The following ANO1 variants were observed in gnomAD, a reference collection of about 807,000 sequenced individuals.
The protein encoded by ANO1 is anoctamin 1.
ANO1 carries 59 observed loss-of-function variants against 124.0 expected under a neutral mutation model. The ratio of observed to expected loss-of-function variants is 0.48; its 90% CI spans 0.39 to 0.59. The LOEUF (loss-of-function observed/expected upper bound fraction) is 0.59. ANO1 is among the 20% of genes least tolerant of loss of function. The pLI, the probability that ANO1 is intolerant of heterozygous loss-of-function variation, is 0.00. For synonymous variants in ANO1, 529 were observed against 532.0 expected (o/e 0.99, Z 0.08); for missense variants, 1,059 against 1,328.0 (o/e 0.80, Z 3.15).
At chr11:69,976,668 C>A in the ANO1 span, among the ~76,000 whole-genome samples, 2 of 150,654 alleles carry the variant, frequency 1.3e-5, no homozygotes, top group East Asian at 1.9e-4. Flanking sequence ...CAGGAGGAAC[C>A]AGCCCTGCGA....
chr11:70,059,950 CTTTTTTTTT>C (rs36021561), intron 1 of ANO1, among the ~76,000 whole-genome samples: 6 of 75,542 alleles, frequency 7.9e-5, no homozygotes, highest in Non-Finnish European at 1.4e-4. Flanking sequence ...AGGCGTTGGC[CTTTTTTTTT>C]TTTTTTTTTT....
At chr11:69,975,015 C>G in the ANO1 span, among the ~76,000 whole-genome samples, 4 of 152,282 alleles carry the variant, frequency 2.6e-5, no homozygotes, top group Non-Finnish European at 5.9e-5. Flanking sequence ...ACGGAGGCAG[C>G]CTGGGAGGGG....
chr11:70,136,760 G>T (rs1187527242), intron 11 of ANO1, among the ~76,000 whole-genome samples: 1 of 147,970 alleles, frequency 6.8e-6, no homozygotes, highest in African/African-American at 2.4e-5. Context: ...TGCTTTCCCG[G>T]GATTCCAGTC....
At chr11:70,065,365 C>G (rs1482882532) in intron 1 of ANO1, 2 of 152,280 alleles carry the variant, frequency 1.3e-5, no homozygotes, top group Non-Finnish European at 2.9e-5. Context: ...ACCTGGGGGC[C>G]TTGACTAAAA....
intron 15 of ANO1, among the ~76,000 whole-genome samples, chr11:70,156,583 C>T (rs3781660): frequency 0.26 from 38,961 of 152,054 alleles, 5,068 homozygotes; most frequent in Middle Eastern, 0.38. Flanking sequence ...TCTTCTAGAC[C>T]TAGAAGTGAG....
At chr11:70,019,084 G>A (rs1251133452) in intron 1 of ANO1, among the ~76,000 whole-genome samples, 1 of 152,226 alleles carries the variant, frequency 6.6e-6, no homozygotes, top group Non-Finnish European at 1.5e-5. Context: ...TCTTGGAGGA[G>A]GTGCCCCATT....
At chr11:70,042,591 TAA>T (rs1857201695) in intron 1 of ANO1, among the ~76,000 whole-genome samples, 1 of 151,730 alleles carries the variant, frequency 6.6e-6, no homozygotes, top group Admixed American at 6.6e-5. Flanking sequence ...GAGGTGCCCT[TAA>T]GTCTTTGGCT....
At chr11:70,142,813 C>A (rs531613835) in intron 11 of ANO1, among the ~76,000 whole-genome samples, 63 of 152,286 alleles carry the variant, frequency 4.1e-4, no homozygotes, top group African/African-American at 1.5e-3. Flanking sequence ...CCACCTTCTC[C>A]CTGTGTCCTC....
Position 70,087,901 on chromosome 11 carries a change from C to G in ANO1, c.258C>G (p.Ser86Arg). 6.2e-7 allele frequency: 1 copy of G among 1,610,812 alleles called. No homozygotes were observed. Among genetic ancestry groups the G allele is most frequent in the African/African-American group, 1.3e-5 (1 of 74,962 alleles). Reference sequence around the variant, plus strand: ...CCCTGGTCAGGAGGGTGCAGCACAGCGACACCCCCTCTGGGGCTCGCAGCG... The same window carrying G: ...CCCTGGTCAGGAGGGTGCAGCACAGGGACACCCCCTCTGGGGCTCGCAGCG... Reference protein sequence around the residue: ...NRTLVRRVQHSDTPSGARSVK... With the variant: ...NRTLVRRVQHRDTPSGARSVK... Residue 86 changes from serine to arginine, a missense_variant, in exon 2 of 26, where the codon AGC (serine) becomes AGG (arginine). Transcript: ENST00000355303.
intron 1 of ANO1, among the ~76,000 whole-genome samples, chr11:70,043,411 T>C (rs772214638): frequency 6.6e-6 from 1 of 152,074 alleles, no homozygotes; most frequent in Non-Finnish European, 1.5e-5. Context: ...CAGAAAAAAG[T>C]ATTTGAAGAA....
chr11:70,098,548 T>C (rs1213960729), intron 2 of ANO1, among the ~76,000 whole-genome samples: 1 of 152,072 alleles, frequency 6.6e-6, no homozygotes, highest in East Asian at 1.9e-4. Context: ...CAGACATCCA[T>C]AGTGAACAAT....
intron 1 of ANO1, among the ~76,000 whole-genome samples, chr11:70,026,249 A>G (rs1856905086): frequency 7.4e-6 from 1 of 134,914 alleles, no homozygotes; most frequent in African/African-American, 2.7e-5. Context: ...GGTGGTGATG[A>G]CAATGATGAT....
intron 1 of ANO1, among the ~76,000 whole-genome samples, chr11:70,062,067 CTTTTTTTT>C (rs1175846749): frequency 8.4e-3 from 522 of 62,288 alleles, no homozygotes; most frequent in Non-Finnish European, 0.01. Flanking sequence ...TTCCTTCTTT[CTTTTTTTT>C]TTTTTTTTTT....
intron 7 of ANO1, among the ~76,000 whole-genome samples, chr11:70,115,595 A>G (rs1434948977): frequency 6.6e-6 from 1 of 152,070 alleles, no homozygotes; most frequent in African/African-American, 2.4e-5. Flanking sequence ...CTGAGCGATA[A>G]GAGTGAAACT....
At chr11:70,046,392 C>T (rs1444447018) in intron 1 of ANO1, among the ~76,000 whole-genome samples, 15 of 152,136 alleles carry the variant, frequency 9.9e-5, no homozygotes, top group Non-Finnish European at 2.1e-4. Context: ...CTGAGACCCC[C>T]GTATTCCAGT....
At chr11:70,180,078 G>A in intron 23 of ANO1, 22 bp downstream of exon 23, 2 of 1,607,870 alleles carry the variant, frequency 1.2e-6, no homozygotes, top group Non-Finnish European at 1.7e-6. Context: ...CAGGGACCTT[G>A]GCAGAATGGA....
chr11:70,159,774 C>T (rs757107097), intron 16 of ANO1, among the ~76,000 whole-genome samples: 10 of 152,228 alleles, frequency 6.6e-5, no homozygotes, highest in Non-Finnish European at 1.3e-4. Context: ...CGCATGCTGG[C>T]ACGGGGACAG....
intron 2 of ANO1, among the ~76,000 whole-genome samples, chr11:70,095,248 A>AAGG (rs2044803122): frequency 2.7e-5 from 1 of 36,938 alleles, no homozygotes; most frequent in Non-Finnish European, 5.2e-5. Context: ...AAAGAAAAAG[A>AAGG]AAGGAAGGAA....
At chr11:70,100,942 C>T (rs964925697) in intron 2 of ANO1, among the ~76,000 whole-genome samples, 5 of 152,258 alleles carry the variant, frequency 3.3e-5, no homozygotes, top group South Asian at 2.1e-4. Flanking sequence ...GAGGCCTGAG[C>T]GGTGGTGCTG....
Sources: gnomAD v4.1 joint callset for allele counts (sites outside exome capture counted in the v4.1 genomes callset) on GRCh38, gnomAD v4.1.1 for gene constraint, MANE v1.5 for transcripts, NCBI Gene and HGNC (gene_info 2026-07-23, HGNC 2026-07-21) for gene names.